RPS10: variants seen among roughly 807,000 people sequenced by gnomAD.
RPS10 encodes small ribosomal subunit protein eS10.
A neutral mutation model predicts 22.6 loss-of-function variants in RPS10; 2 were observed. The observed-to-expected ratio is 0.09, with a 90% CI of 0.04 to 0.28. RPS10 has a LOEUF of 0.28. Among genes scored for constraint, RPS10 ranks in the 10% least tolerant of loss-of-function variants. The pLI, the probability that RPS10 is intolerant of heterozygous loss-of-function variation, is 1.00. For missense variants in RPS10, 137 were observed against 222.2 expected, an observed-to-expected ratio of 0.62 and a Z score of 2.44; for synonymous variants, 70 against 75.9, an observed-to-expected ratio of 0.92 and a Z score of 0.40.
intron 5 of RPS10, chr6:34,418,076 T>A (rs1581922362): frequency 9.3e-7 from 1 of 1,077,930 alleles, no homozygotes; most frequent in Non-Finnish European, 1.3e-6. Flanking sequence ...ACCATCTTGG[T>A]TCTTAAGCCC....
intron 3 of RPS10, among the ~76,000 whole-genome samples, chr6:34,423,173 TCTC>T (rs1581929188): frequency 6.6e-6 from 1 of 151,740 alleles, no homozygotes; most frequent in African/African-American, 2.4e-5. Context: ...ATGAACTATG[TCTC>T]CTTTTTTTTT....
chr6:34,420,525 G>A (rs542762171), intron 4 of RPS10, among the ~76,000 whole-genome samples: 3 of 152,140 alleles, frequency 2.0e-5, no homozygotes, highest in South Asian at 4.1e-4. Context: ...GCCCATAATC[G>A]TTAAACTTCC....
intron 3 of RPS10, 124 bp downstream of exon 3, chr6:34,424,545 A>T: frequency 7.5e-7 from 1 of 1,327,564 alleles, no homozygotes. Flanking sequence ...CAAAGGTTCT[A>T]GCACTTGACC....
intron 3 of RPS10, chr6:34,424,248 G>A (rs1406023100): frequency 3.9e-6 from 1 of 258,874 alleles, no homozygotes; most frequent in African/African-American, 2.2e-5. Context: ...TTCACATCGT[G>A]GTATACACCA....
chr6:34,420,359 CA>C (rs1249239677), intron 4 of RPS10, among the ~76,000 whole-genome samples: 3 of 152,028 alleles, frequency 2.0e-5, no homozygotes, highest in Admixed American at 6.6e-5. Context: ...GAGATTATTA[CA>C]GGCAGGCACA....
rs1765929065 is a variant in RPS10 at position 34,425,555 on chromosome 6, T to A, written c.1-334A>T. 3.2e-5 allele frequency: 11 copies of A among 346,932 alleles called. 1 individual carries two copies. The highest frequency in any genetic ancestry group is 2.5e-4 in the South Asian group (11 of 43,472). 21.5% of individuals were successfully genotyped at this position (346,932 alleles called of 1,614,324 possible). On this transcript the variant is annotated intron_variant, in intron 1 of 5. Coordinates refer to ENST00000648437, the MANE Select transcript of RPS10 (RefSeq NM_001014.5). The stretch of plus-strand genomic sequence containing the variant: ...AGCAGTTGGAGGCCATCAGCGACCG[T>A]ACCCAGCGCGGAATCTCGCGGCTGT...
Position 34,418,418 on chromosome 6 carries a change from G to A in RPS10, c.407C>T (p.Ala136Val). 6.2e-7 allele frequency: 1 copy of A among 1,614,132 alleles called. No homozygotes were observed. The highest frequency in any genetic ancestry group is 2.2e-5 in the East Asian group (1 of 44,882). ...TYRRSAVPPG[A>V]DKKAEAGAGS... ...AGCCCCAGCCTCGGCTTTCTTGTCG[G>A]CACCAGCTAGAAAGTGAAACATCGA... Residue 136 changes from alanine to valine, a missense_variant, in exon 5 of 6, where the codon GCC (alanine) becomes GTC (valine). Ala to Val is a moderately conservative substitution (Grantham distance 64). Transcript: ENST00000648437.
At chr6:34,417,589 G>A (rs1173609074) in intron 5 of RPS10, 42 bp from the exon 6 acceptor site, 1 of 1,608,760 alleles carries the variant, frequency 6.2e-7, no homozygotes, top group Non-Finnish European at 8.5e-7. Context: ...GCGGCACTCT[G>A]GTTTGATCTT....
At chr6:34,418,909 C>CT (rs1765665479) in intron 4 of RPS10, among the ~76,000 whole-genome samples, 1 of 152,204 alleles carries the variant, frequency 6.6e-6, no homozygotes, top group African/African-American at 2.4e-5. Flanking sequence ...GGGTCTTACT[C>CT]TGTCACCCAG....
intron 1 of RPS10, 160 bp from the exon 2 acceptor site, chr6:34,425,381 C>G: frequency 1.2e-6 from 1 of 838,206 alleles, no homozygotes; most frequent in African/African-American, 1.7e-5. Context: ...CCAGCTCCGT[C>G]AGTCCCCACC....
intron 4 of RPS10, among the ~76,000 whole-genome samples, chr6:34,421,490 G>A (rs1232412491): frequency 6.6e-5 from 10 of 151,702 alleles, no homozygotes; most frequent in South Asian, 2.1e-4. Flanking sequence ...CACTGAGCCC[G>A]GCCTGAGTTT....
Position 34,420,724 on chromosome 6 carries a change from C to T in RPS10, c.400+1006G>A, listed in dbSNP as rs180804064. On this transcript the variant is annotated intron_variant, in intron 4 of 5. Transcript: ENST00000648437. ...ACAATCAACAACGAGTGACTTTATC[C>T]GGGTGGGCGCGGTGGCTCACATCTG... is the stretch of plus-strand genomic sequence containing the variant. Among the ~76,000 whole-genome samples the T allele has an allele frequency of 1.2e-3, 182 of 151,540 alleles. 1 individual carries two copies. The East Asian group carries it at 0.013, about 11-fold the overall frequency.
At chr6:34,418,518 A>G (rs2113795364) in intron 4 of RPS10, 94 bp from the exon 5 acceptor site, 1 of 1,586,354 alleles carries the variant, frequency 6.3e-7, no homozygotes, top group East Asian at 2.3e-5. Context: ...TTGCAGGAAA[A>G]GCCAAGTACC....
chr6:34,425,579 G>GT, intron 1 of RPS10: 1 of 335,884 alleles, frequency 3.0e-6, no homozygotes, highest in Non-Finnish European at 5.9e-6. Context: ...TCTCGCGGCT[G>GT]TACCATAAGG....
At chr6:34,423,081 A>G (rs1169070571) in intron 3 of RPS10, among the ~76,000 whole-genome samples, 1 of 152,110 alleles carries the variant, frequency 6.6e-6, no homozygotes, top group African/African-American at 2.4e-5. Context: ...ACAAACAAAC[A>G]AACACAATCA....
chr6:34,422,932 T>C (rs1027229070), intron 3 of RPS10, among the ~76,000 whole-genome samples: 1 of 151,830 alleles, frequency 6.6e-6, no homozygotes, highest in Non-Finnish European at 1.5e-5. Context: ...ATTACAAAAA[T>C]TAGCCGGGTG....
At chr6:34,422,679 G>T (rs1015648106) in intron 3 of RPS10, among the ~76,000 whole-genome samples, 8 of 149,200 alleles carry the variant, frequency 5.4e-5, no homozygotes, top group Non-Finnish European at 8.9e-5. Flanking sequence ...GGCTGGTCTT[G>T]AACTCCTGGT....
Position 34,421,773 on chromosome 6 carries a change from T to C in RPS10, c.357A>G (p.Arg119=), listed in dbSNP as rs200850769. Residue 119 remains arginine, a synonymous_variant, in exon 4 of 6, where the codon AGA becomes AGG. Transcript: ENST00000648437. ...LEGERPARLT[R]GEADRDTYRR... is the part of the protein sequence containing the mutation. ...TGTAGGTATCTCTGTCAGCTTCCCC[T>C]CTTGTGAGTCTCGCAGGTCGCTCAC... The C allele has an allele frequency of 2.8e-5, 45 of 1,613,892 alleles. No homozygotes were observed. The highest frequency in any genetic ancestry group is 3.7e-5 in the Non-Finnish European group (44 of 1,179,848).
intron 3 of RPS10, among the ~76,000 whole-genome samples, chr6:34,423,816 T>A (rs139073803): frequency 1.3e-5 from 2 of 152,088 alleles, no homozygotes; most frequent in African/African-American, 4.8e-5. Flanking sequence ...GAGGTGGAAG[T>A]TGCAGTAAGC....
Sources: allele counts gnomAD v4.1 joint callset (sites outside exome capture counted in the v4.1 genomes callset), GRCh38; gene constraint gnomAD v4.1.1; transcripts MANE v1.5; gene names NCBI Gene and HGNC (gene_info 2026-07-23, HGNC 2026-07-21).